KCTD21: variants seen among roughly 807,000 people sequenced by gnomAD.
The protein encoded by KCTD21 is potassium channel tetramerization domain containing 21, also known as BTB/POZ domain-containing protein KCTD21.
KCTD21 carries 9 observed loss-of-function variants against 13.2 expected under a neutral mutation model. That is an observed-to-expected ratio of 0.68 (90% confidence interval 0.41 to 1.19). The LOEUF is 1.19. KCTD21 is among the 50% of genes most tolerant of loss of function. The pLI, the probability that KCTD21 is intolerant of heterozygous loss-of-function variation, is 0.01. For synonymous variants in KCTD21, 142 were observed against 137.4 expected (o/e 1.03, Z -0.23); for missense variants, 303 against 336.5 (o/e 0.90, Z 0.78).
At chr11:78,174,727 C>G (rs1285044017) in intron 1 of KCTD21, 144 bp from the exon 2 acceptor site, 8 of 615,958 alleles carry the variant, frequency 1.3e-5, no homozygotes, top group Non-Finnish European at 2.9e-6. Flanking sequence ...ATTGCTAACA[C>G]TGTGCAAAGT....
At chr11:78,185,118 AC>A (rs1355349608) in intron 1 of KCTD21, among the ~76,000 whole-genome samples, 1 of 152,194 alleles carries the variant, frequency 6.6e-6, no homozygotes, top group Non-Finnish European at 1.5e-5. Context: ...ATGTAGTAGA[AC>A]GCCCTTATTA....
intron 1 of KCTD21, chr11:78,187,842 G>T (rs1862837475): frequency 1.0e-6 from 1 of 985,244 alleles, no homozygotes. Flanking sequence ...CTGCCTCCCC[G>T]AGTGCAGGGA....
chr11:78,181,812 TTAAG>T (rs1389350277), intron 1 of KCTD21, among the ~76,000 whole-genome samples: 1 of 150,830 alleles, frequency 6.6e-6, no homozygotes, highest in Non-Finnish European at 1.5e-5. Context: ...TTTACCATAC[TTAAG>T]TTTTACCTCC....
At chr11:78,178,428 T>C (rs1262553630) in intron 1 of KCTD21, among the ~76,000 whole-genome samples, 1 of 152,152 alleles carries the variant, frequency 6.6e-6, no homozygotes, top group African/African-American at 2.4e-5. Flanking sequence ...GTGCCTGGTC[T>C]AAGCCCCTAT....
chr11:78,180,018 A>G (rs182294798), intron 1 of KCTD21, among the ~76,000 whole-genome samples: 1 of 152,258 alleles, frequency 6.6e-6, no homozygotes, highest in African/African-American at 2.4e-5. Flanking sequence ...TATGGGGAAA[A>G]AAAGAACCTT....
Position 78,174,598 on chromosome 11 carries a change from A to T in KCTD21, c.-29-15T>A, listed in dbSNP as rs1565382230. 3 of 1,551,802 alleles carry T rather than the reference A, an allele frequency of 1.9e-6. No individual in the cohort carries two copies. Among genetic ancestry groups the T allele is most frequent in the Non-Finnish European group, 2.6e-6 (3 of 1,147,310 alleles). On this transcript the variant is annotated splice_polypyrimidine_tract_variant and intron_variant, in intron 1 of 1. Coordinates refer to ENST00000340067, the MANE Select transcript of KCTD21 (RefSeq NM_001029859.3). The stretch of plus-strand genomic sequence containing the variant: ...TGGAAGTAGTCCTGGAGAGGGTGAG[A>T]AGTGAGAAATGACTATAACCAAACC...
chr11:78,186,736 T>C, intron 1 of KCTD21: 1 of 985,510 alleles, frequency 1.0e-6, no homozygotes, highest in Non-Finnish European at 1.2e-6. Context: ...GCATCTGCCA[T>C]CCCCTCTGCC....
At chr11:78,181,547 G>A (rs1862620060) in intron 1 of KCTD21, among the ~76,000 whole-genome samples, 1 of 152,228 alleles carries the variant, frequency 6.6e-6, no homozygotes, top group Non-Finnish European at 1.5e-5. Context: ...ATATTTTGGA[G>A]TGATGGGAAT....
In KCTD21 at chr11:78,172,264, AC is replaced by A. The variant is rs1357515077; in HGVS notation, c.*1507del. 1 of 152,360 alleles carries A rather than the reference AC, an allele frequency of 6.6e-6. No homozygotes were observed. Among genetic ancestry groups the A allele is most frequent in the Non-Finnish European group, 1.5e-5 (1 of 68,178 alleles). The allele number at this position is 152,360 out of a possible 1,614,324, so 9.4% of individuals were successfully genotyped here. ...CAGAGACCCAGGGGTGGGACACAGGACTGCAGGGGAAGGCCGCCTTCCTGAG... is the reference window on the plus strand; with the variant it reads ...CAGAGACCCAGGGGTGGGACACAGGATGCAGGGGAAGGCCGCCTTCCTGAG... On this transcript the variant is annotated 3_prime_UTR_variant, in exon 2 of 2. Coordinates refer to ENST00000340067, the MANE Select transcript of KCTD21 (RefSeq NM_001029859.3).
chr11:78,174,621 AC>A (rs1348514173), intron 1 of KCTD21, 38 bp from the exon 2 acceptor site: 16 of 1,417,184 alleles, frequency 1.1e-5, no homozygotes, highest in Admixed American at 2.4e-5. Context: ...CTATAACCAA[AC>A]CTTATCAGAG....
chr11:78,178,407 C>T (rs756537903), intron 1 of KCTD21, among the ~76,000 whole-genome samples: 6 of 152,152 alleles, frequency 3.9e-5, no homozygotes, highest in Admixed American at 2.6e-4. Flanking sequence ...GGATTACAGG[C>T]GTGAGCCACC....
chr11:78,183,409 G>A (rs1271483921), intron 1 of KCTD21, among the ~76,000 whole-genome samples: 1 of 151,844 alleles, frequency 6.6e-6, no homozygotes, highest in African/African-American at 2.4e-5. Context: ...GGTGGCGTGC[G>A]CCTGTTATTC....
chr11:78,183,881 C>T lies in KCTD21; in HGVS notation c.-30+4692G>A, dbSNP rs188650079. On this transcript the variant is annotated intron_variant, in intron 1 of 1. Coordinates refer to ENST00000340067, the MANE Select transcript of KCTD21 (RefSeq NM_001029859.3). ...CGATCTCCTGACCTCGTGATCCGCC[C>T]GCCTCGGCCTCCCAAAGTGCTGGGA... Among the ~76,000 whole-genome samples, 60 of 152,126 alleles carry T rather than the reference C, an allele frequency of 3.9e-4. No homozygotes were observed. In the East Asian group the frequency reaches 8.8e-3, roughly 22 times the overall value.
intron 1 of KCTD21, among the ~76,000 whole-genome samples, chr11:78,185,061 T>A (rs1862729967): frequency 6.6e-6 from 1 of 152,202 alleles, no homozygotes; most frequent in Admixed American, 6.6e-5. Flanking sequence ...AACTATTACA[T>A]TGGGTAATAC....
At chr11:78,184,922 G>T (rs545645302) in intron 1 of KCTD21, among the ~76,000 whole-genome samples, 6 of 152,162 alleles carry the variant, frequency 3.9e-5, no homozygotes, top group Admixed American at 3.9e-4. Flanking sequence ...AGTTTTTGTA[G>T]AGATGGGGTT....
chr11:78,179,060 C>T (rs558917608), intron 1 of KCTD21, among the ~76,000 whole-genome samples: 4 of 152,274 alleles, frequency 2.6e-5, no homozygotes, highest in African/African-American at 9.6e-5. Flanking sequence ...AAATGGGGTA[C>T]CTAAAGCCCA....
intron 1 of KCTD21, among the ~76,000 whole-genome samples, chr11:78,185,807 G>T (rs1367847841): frequency 6.6e-6 from 1 of 151,954 alleles, no homozygotes; most frequent in African/African-American, 2.4e-5. Context: ...GGCCAGGCTG[G>T]TCTCAAGCTC....
intron 1 of KCTD21, among the ~76,000 whole-genome samples, chr11:78,183,488 A>G (rs113479440): frequency 0.047 from 7,171 of 151,260 alleles, 505 homozygotes; most frequent in African/African-American, 0.16. Flanking sequence ...GTGAGCCAAG[A>G]TCGTGCCACT....
rs535076268 is a variant in KCTD21 at position 78,174,530 on chromosome 11, C to T, written c.25G>A (p.Val9Ile). The change falls in exon 2 of 2, where the codon GTC (valine) becomes ATC (isoleucine). Residue 9 changes from valine (V) to isoleucine (I), a missense_variant. Val to Ile is a conservative substitution (Grantham distance 29, BLOSUM62 3). Coordinates refer to ENST00000340067, the MANE Select transcript of KCTD21 (RefSeq NM_001029859.3). The part of the protein sequence containing the change: MSDPITLN[V>I]GGKLYTTSLA... ...GAGGTTGTATAGAGCTTCCCCCCGACGTTCAGCGTGATGGGGTCGGACATG... is the reference window on the plus strand; with the variant it reads ...GAGGTTGTATAGAGCTTCCCCCCGATGTTCAGCGTGATGGGGTCGGACATG... 3.0e-5 allele frequency: 49 copies of T among 1,613,028 alleles called. 1 individual carries two copies. Among genetic ancestry groups the T allele is most frequent in the South Asian group, 2.7e-4 (25 of 90,998 alleles).
Sources: gnomAD v4.1 joint callset for allele counts (sites outside exome capture counted in the v4.1 genomes callset) on GRCh38, gnomAD v4.1.1 for gene constraint, MANE v1.5 for transcripts, NCBI Gene and HGNC (gene_info 2026-07-23, HGNC 2026-07-21) for gene names.